The following RAD54L2 variants were observed in gnomAD, a reference collection of about 807,000 sequenced individuals.
The protein encoded by RAD54L2 is helicase ARIP4.
In RAD54L2, 27 loss-of-function variants were observed where a neutral mutation model predicts 138.4. The ratio of observed to expected loss-of-function variants is 0.20; its 90% CI spans 0.14 to 0.27. The LOEUF is 0.27. RAD54L2 is among the 10% of genes least tolerant of loss of function. RAD54L2 has a pLI of 1.00. For missense variants in RAD54L2, 1,396 were observed against 1,890.2 expected (o/e 0.74, Z 4.85); for synonymous variants, 644 against 723.2 (o/e 0.89, Z 1.76).
intron 3 of RAD54L2, among the ~76,000 whole-genome samples, chr3:51,623,008 T>C (rs979992507): frequency 6.6e-6 from 1 of 152,226 alleles, no homozygotes. Context: ...TTGGGCACTT[T>C]CCATATAGCA....
In RAD54L2 at chr3:51,637,520, G is replaced by A. The variant is rs1378966874; in HGVS notation, c.1682+17G>A. ...TGTGCAGAGGTGAGCCATCCTCAGG[G>A]TCCTGCTTCCTGAATTTTCAGAGGG... On this transcript the variant is annotated intron_variant, in intron 11 of 22. Transcript: ENST00000684192. This position sits in a 1 kb window ranked among gnomAD's most constrained non-coding sequence, Gnocchi z 5.9. The A allele has an allele frequency of 6.3e-7, 1 of 1,593,780 alleles. No individual in the cohort carries two copies. Among genetic ancestry groups the A allele is most frequent in the East Asian group, 2.3e-5 (1 of 44,180 alleles).
At chr3:51,561,157 A>G (rs758142596) in intron 2 of RAD54L2, among the ~76,000 whole-genome samples, 3 of 152,058 alleles carry the variant, frequency 2.0e-5, no homozygotes, top group Non-Finnish European at 4.4e-5. Flanking sequence ...CTTCTCCCAT[A>G]CTTCCTACTT....
chr3:51,605,451 G>GTTTT (rs56187003), intron 3 of RAD54L2, among the ~76,000 whole-genome samples: 13 of 109,236 alleles, frequency 1.2e-4, no homozygotes, highest in African/African-American at 1.8e-4. Flanking sequence ...GAATTTGAGG[G>GTTTT]TTTTTTTTTT....
intron 9 of RAD54L2, among the ~76,000 whole-genome samples, chr3:51,634,804 CTTTG>C (rs908304664): frequency 3.3e-5 from 5 of 152,152 alleles, no homozygotes; most frequent in Non-Finnish European, 5.9e-5. Flanking sequence ...GTCAGCCTTG[CTTTG>C]TTTTAGATTT....
intron 3 of RAD54L2, among the ~76,000 whole-genome samples, chr3:51,606,961 C>A (rs1266327992): frequency 2.0e-5 from 3 of 151,334 alleles, no homozygotes; most frequent in African/African-American, 7.3e-5. Flanking sequence ...GGATTACAGG[C>A]ATGAGCCACC....
chr3:51,659,989 G>A lies in RAD54L2; in HGVS notation c.3317-37G>A, dbSNP rs374213441. 2.7e-6 allele frequency: 4 copies of A among 1,508,140 alleles called. No individual in the cohort carries two copies. In the African/African-American group the frequency reaches 4.1e-5, roughly 15 times the overall value. The allele number at this position is 1,508,140 out of a possible 1,614,324, so 93.4% of individuals were successfully genotyped here. The stretch of plus-strand genomic sequence containing the variant: ...TTTCCCAGGGTTGGCTGTATTATAT[G>A]TCTGCCTCTAACTGTCTTCTTCGTG... On this transcript the variant is annotated intron_variant, in intron 21 of 22. Coordinates refer to ENST00000684192, the MANE Select transcript of RAD54L2 (RefSeq NM_015106.4).
chr3:51,559,777 G>C (rs1699056427), intron 2 of RAD54L2, among the ~76,000 whole-genome samples: 1 of 152,156 alleles, frequency 6.6e-6, no homozygotes, highest in Admixed American at 6.6e-5. Flanking sequence ...TACCCATATT[G>C]AAAATAAAAA....
chr3:51,550,436 A>G (rs1376770988), intron 2 of RAD54L2, among the ~76,000 whole-genome samples: 1 of 152,238 alleles, frequency 6.6e-6, no homozygotes, highest in Non-Finnish European at 1.5e-5. Context: ...AAAGGAAACC[A>G]TAATTCCATA....
intron 7 of RAD54L2, among the ~76,000 whole-genome samples, chr3:51,631,666 A>G (rs1700846750): frequency 6.6e-6 from 1 of 151,734 alleles, no homozygotes; most frequent in Non-Finnish European, 1.5e-5. Context: ...TTTTTGAGAC[A>G]GGCTCTTGCT....
chr3:51,641,893 G>C lies in RAD54L2; in HGVS notation c.2350+26G>C, dbSNP rs758908311. 6 of 1,505,874 alleles carry C rather than the reference G, an allele frequency of 4.0e-6. No homozygotes were observed. In the South Asian group the frequency reaches 7.2e-5, roughly 18 times the overall value. 93.3% of individuals were successfully genotyped at this position (1,505,874 alleles called of 1,614,324 possible). A position where few individuals can be genotyped will look rare whatever the true frequency, so the allele number is the denominator to read the frequency against. On this transcript the variant is annotated intron_variant, in intron 15 of 22. Transcript: ENST00000684192. ...GTGAGTTCATTGTTGCGTTGTTCTTGAAGCCTTGGCAAGGTCTGCTTAAGG... is the reference window on the plus strand; with the variant it reads ...GTGAGTTCATTGTTGCGTTGTTCTTCAAGCCTTGGCAAGGTCTGCTTAAGG...
At chr3:51,611,260 CT>C (rs539990270) in intron 3 of RAD54L2, among the ~76,000 whole-genome samples, 627 of 135,382 alleles carry the variant, frequency 4.6e-3, no homozygotes, top group Non-Finnish European at 4.4e-3. Context: ...TGCTTGTTGC[CT>C]TTTTTTTTTT....
intron 2 of RAD54L2, among the ~76,000 whole-genome samples, chr3:51,576,316 G>A (rs1421561038): frequency 6.6e-6 from 1 of 152,000 alleles, no homozygotes; most frequent in Non-Finnish European, 1.5e-5. Context: ...CTCTTTTTTT[G>A]TTGTGTCTTT....
At chr3:51,559,137 A>T (rs1699042635) in intron 2 of RAD54L2, among the ~76,000 whole-genome samples, 1 of 152,094 alleles carries the variant, frequency 6.6e-6, no homozygotes, top group Non-Finnish European at 1.5e-5. Flanking sequence ...GGCCTCCCAA[A>T]GTGCTGGGAT....
intron 3 of RAD54L2, among the ~76,000 whole-genome samples, chr3:51,621,701 G>T (rs1013888332): frequency 7.2e-5 from 11 of 152,302 alleles, no homozygotes; most frequent in Admixed American, 7.2e-4. Context: ...TCCTCCAAGT[G>T]ATTGCTCAAT....
At chr3:51,600,852 A>T (rs1426298613) in intron 3 of RAD54L2, among the ~76,000 whole-genome samples, 2 of 152,086 alleles carry the variant, frequency 1.3e-5, no homozygotes, top group African/African-American at 4.8e-5. Context: ...CTGTAATCCC[A>T]GCAATTCGGG....
At chr3:51,571,927 G>A (rs894832055) in intron 2 of RAD54L2, among the ~76,000 whole-genome samples, 1 of 151,808 alleles carries the variant, frequency 6.6e-6, no homozygotes, top group Non-Finnish European at 1.5e-5. Flanking sequence ...ATTTTGTCCA[G>A]ACTCCATATA....
chr3:51,617,776 C>A (rs1444808196), intron 3 of RAD54L2, among the ~76,000 whole-genome samples: 1 of 152,134 alleles, frequency 6.6e-6, no homozygotes, highest in African/African-American at 2.4e-5. Context: ...CTCAGGAGAA[C>A]TACTTGACAG....
chr3:51,557,941 G>A (rs1699011915), intron 2 of RAD54L2, among the ~76,000 whole-genome samples: 1 of 151,756 alleles, frequency 6.6e-6, no homozygotes, highest in Non-Finnish European at 1.5e-5. Context: ...ACCTCCCAAG[G>A]CTCAAGTGAT....
At chr3:51,643,615 G>A (rs1318659961) in intron 15 of RAD54L2, among the ~76,000 whole-genome samples, 1 of 152,188 alleles carries the variant, frequency 6.6e-6, no homozygotes, top group Non-Finnish European at 1.5e-5. Flanking sequence ...AGGATTCTTG[G>A]CTTTAGAATT....
Sources: allele counts gnomAD v4.1 joint callset (sites outside exome capture counted in the v4.1 genomes callset), GRCh38; gene constraint gnomAD v4.1.1; non-coding constraint Gnocchi (gnomAD v3.1); transcripts MANE v1.5; gene names NCBI Gene and HGNC (gene_info 2026-07-23, HGNC 2026-07-21).